SLC35F4: variants seen among roughly 807,000 people sequenced by gnomAD.
SLC35F4 encodes solute carrier family 35 member F4.
A neutral mutation model predicts 44.2 loss-of-function variants in SLC35F4; 24 were observed. The ratio of observed to expected loss-of-function variants is 0.54; its 90% CI spans 0.39 to 0.76. The LOEUF (loss-of-function observed/expected upper bound fraction) is 0.76, where lower values mean the gene tolerates loss of function less well. SLC35F4 is among the 30% of genes least tolerant of loss of function. The pLI, the probability that SLC35F4 is intolerant of heterozygous loss-of-function variation, is 0.00. For synonymous variants in SLC35F4, 238 were observed against 223.6 expected, an observed-to-expected ratio of 1.06 and a Z score of -0.57; for missense variants, 562 against 586.1, an observed-to-expected ratio of 0.96 and a Z score of 0.42.
chr14:57,629,525 A>T (rs929380357), intron 1 of SLC35F4, among the ~76,000 whole-genome samples: 1 of 152,156 alleles, frequency 6.6e-6, no homozygotes, highest in African/African-American at 2.4e-5. Context: ...TCAGTGCACA[A>T]ATCACATAAG....
chr14:57,619,388 C>A (rs368010107), intron 1 of SLC35F4, among the ~76,000 whole-genome samples: 1 of 149,704 alleles, frequency 6.7e-6, no homozygotes, highest in Non-Finnish European at 1.5e-5. Flanking sequence ...GCTGGTGATA[C>A]CCAGGCAAAA....
intron 1 of SLC35F4, chr14:57,630,368 A>G (rs1035952701): frequency 3.2e-6 from 2 of 621,580 alleles, no homozygotes; most frequent in Non-Finnish European, 6.0e-6. Context: ...CACACATAGC[A>G]GAAGCCATTC....
chr14:57,914,418 C>T (rs1163555458), intron 1 of SLC35F4, among the ~76,000 whole-genome samples: 1 of 152,078 alleles, frequency 6.6e-6, no homozygotes, highest in Non-Finnish European at 1.5e-5. Context: ...AGAAAATAAG[C>T]CGGGCATGGT....
At chr14:57,720,586 T>C (rs1714266873) in intron 1 of SLC35F4, among the ~76,000 whole-genome samples, 1 of 152,148 alleles carries the variant, frequency 6.6e-6, no homozygotes, top group South Asian at 2.1e-4. Flanking sequence ...AATTTGTCCA[T>C]TTCTTCTAGA....
chr14:57,819,386 C>G (rs1882929828), intron 1 of SLC35F4, among the ~76,000 whole-genome samples: 2 of 151,958 alleles, frequency 1.3e-5, no homozygotes, highest in African/African-American at 4.8e-5. Flanking sequence ...CTAATTAATT[C>G]ATTAATCAAA....
chr14:57,661,409 T>C (rs2074133052), intron 1 of SLC35F4, among the ~76,000 whole-genome samples: 1 of 152,162 alleles, frequency 6.6e-6, no homozygotes, highest in Non-Finnish European at 1.5e-5. Flanking sequence ...TCTCAGCACA[T>C]ATTTATCTGA....
chr14:57,760,133 T>C (rs2077089905), intron 1 of SLC35F4, among the ~76,000 whole-genome samples: 1 of 152,114 alleles, frequency 6.6e-6, no homozygotes, highest in Non-Finnish European at 1.5e-5. Flanking sequence ...TTTTTCCCAG[T>C]TGTTATCGTC....
intron 1 of SLC35F4, among the ~76,000 whole-genome samples, chr14:57,937,574 GAGAAAAGAAAAGAAAGAAAAGAAAAGAAA>G (rs1889823391): frequency 3.4e-5 from 3 of 89,102 alleles, no homozygotes; most frequent in Admixed American, 1.4e-4. Flanking sequence ...GAAAAGAAAA[GAGAAAAGAAAAGAAAGAAAAGAAAAGAAA>G]AGAAAAGAAA....
chr14:57,735,690 A>C (rs1594917431), intron 1 of SLC35F4, among the ~76,000 whole-genome samples: 1 of 151,988 alleles, frequency 6.6e-6, no homozygotes, highest in East Asian at 1.9e-4. Context: ...TATTGCTTAA[A>C]ACAAGTCAAA....
In SLC35F4 at chr14:57,897,753, T is replaced by A. The variant is rs1390300499; in HGVS notation, n.282+84160A>T. ...TGGTTACTGCTTTTGAACCACAAAT[T>A]ATCTCCAGAGAGCAGTTACCCAGAG... On this transcript the variant is annotated intron_variant and non_coding_transcript_variant, in intron 1 of 1. Transcript: ENST00000556568. Among the ~76,000 whole-genome samples the A allele has an allele frequency of 6.6e-5, 10 of 152,212 alleles. No individual in the cohort carries two copies. The East Asian group carries it at 1.7e-3, about 26-fold the overall frequency.
chr14:57,830,839 C>A (rs1482764565), intron 1 of SLC35F4, among the ~76,000 whole-genome samples: 2 of 152,132 alleles, frequency 1.3e-5, no homozygotes, highest in African/African-American at 4.8e-5. Context: ...ACCCCAAAAT[C>A]AAAAACCCAG....
At chr14:57,676,223 A>G (rs2074687800) in intron 1 of SLC35F4, among the ~76,000 whole-genome samples, 1 of 152,110 alleles carries the variant, frequency 6.6e-6, no homozygotes, top group African/African-American at 2.4e-5. Context: ...AATATGGTAC[A>G]TATATACCAT....
intron 4 of SLC35F4, among the ~76,000 whole-genome samples, chr14:57,575,472 C>T (rs535207330): frequency 2.0e-5 from 3 of 152,140 alleles, no homozygotes; most frequent in South Asian, 4.2e-4. Context: ...CAGAATTAGA[C>T]CCTGTCTCAA....
intron 1 of SLC35F4, among the ~76,000 whole-genome samples, chr14:57,649,074 T>A (rs2073670226): frequency 6.6e-6 from 1 of 152,220 alleles, no homozygotes; most frequent in Admixed American, 6.5e-5. Context: ...TCCTCAGAGA[T>A]GCCTTCCTGA....
chr14:57,740,781 A>T (rs1280289996), intron 1 of SLC35F4, among the ~76,000 whole-genome samples: 4 of 152,212 alleles, frequency 2.6e-5, no homozygotes, highest in Non-Finnish European at 4.4e-5. Context: ...TCTGTTACGC[A>T]CCAATAAAAA....
chr14:57,657,238 A>G (rs1220240125), intron 1 of SLC35F4, among the ~76,000 whole-genome samples: 1 of 152,244 alleles, frequency 6.6e-6, no homozygotes, highest in African/African-American at 2.4e-5. Context: ...AGGAAAGGGC[A>G]TAAGACTCCC....
chr14:57,764,839 C>A (rs562074853), intron 1 of SLC35F4, among the ~76,000 whole-genome samples: 1 of 152,214 alleles, frequency 6.6e-6, no homozygotes, highest in East Asian at 1.9e-4. Flanking sequence ...TTCTGTACAA[C>A]AATGTAAAGT....
intron 1 of SLC35F4, among the ~76,000 whole-genome samples, chr14:57,672,839 C>T (rs1162667782): frequency 6.6e-6 from 1 of 151,546 alleles, no homozygotes; most frequent in Admixed American, 6.6e-5. Context: ...AAGTGAGCCA[C>T]TGGCAAAGTC....
At chr14:57,644,527 T>C (rs2073410151) in intron 1 of SLC35F4, among the ~76,000 whole-genome samples, 1 of 152,090 alleles carries the variant, frequency 6.6e-6, no homozygotes, top group South Asian at 2.1e-4. Flanking sequence ...CTTTGTCAGA[T>C]GAGTAGGTTG....
Sources: allele counts gnomAD v4.1 joint callset (sites outside exome capture counted in the v4.1 genomes callset), GRCh38; gene constraint gnomAD v4.1.1; transcripts MANE v1.5; gene names NCBI Gene and HGNC (gene_info 2026-07-23, HGNC 2026-07-21).